The following FAIM2 variants were observed in gnomAD, a reference collection of about 807,000 sequenced individuals.
The protein encoded by FAIM2 is protein lifeguard 2.
Under a neutral mutation model 47.4 loss-of-function variants are expected in FAIM2, and 27 were observed. The observed-to-expected ratio is 0.57, with a 90% CI of 0.42 to 0.78. The LOEUF (loss-of-function observed/expected upper bound fraction) is 0.78, where lower values mean the gene tolerates loss of function less well. Among genes scored for constraint, FAIM2 ranks in the 30% least tolerant of loss-of-function variants. The pLI, the probability that FAIM2 is intolerant of heterozygous loss-of-function variation, is 0.00. For synonymous variants in FAIM2, 156 were observed against 159.3 expected (o/e 0.98, Z 0.16); for missense variants, 311 against 389.4 (o/e 0.80, Z 1.69).
rs969301257 is a variant in FAIM2 at position 49,868,946 on chromosome 12, G to C, written c.*1558C>G. ...GAAAGCTGGGAGTAGGAAGGGTGGG[G>C]AGGGATGGGGCTGGGAAGGAACAGC... On this transcript the variant is annotated 3_prime_UTR_variant, in exon 12 of 12. Transcript: ENST00000320634. 1.2e-4 allele frequency: 19 copies of C among 152,256 alleles called. No individual in the cohort carries two copies. The highest frequency in any genetic ancestry group is 4.6e-4 in the African/African-American group (19 of 41,456). 9.4% of individuals were successfully genotyped at this position (152,256 alleles called of 1,614,324 possible).
chr12:49,892,090 C>T (rs1442073787), intron 5 of FAIM2, among the ~76,000 whole-genome samples: 1 of 152,146 alleles, frequency 6.6e-6, no homozygotes, highest in East Asian at 1.9e-4. Context: ...CCTCCATCCA[C>T]AAACCTCCCA....
At chr12:49,885,987 A>G (rs930669113) in intron 11 of FAIM2, among the ~76,000 whole-genome samples, 14 of 151,956 alleles carry the variant, frequency 9.2e-5, no homozygotes. Flanking sequence ...CTCTGCTCAC[A>G]GCTCTCTCCC....
chr12:49,889,724 C>A (rs988789939), intron 8 of FAIM2, among the ~76,000 whole-genome samples, 156 bp from the exon 9 acceptor site: 10 of 152,256 alleles, frequency 6.6e-5, no homozygotes, highest in African/African-American at 2.4e-4. Context: ...GCCTCCCCAG[C>A]CTTTCTGTTG....
intron 11 of FAIM2, among the ~76,000 whole-genome samples, chr12:49,883,400 G>A (rs185365231): frequency 7.9e-5 from 12 of 152,062 alleles, no homozygotes; most frequent in African/African-American, 2.4e-4. Flanking sequence ...CGTGATGTAG[G>A]GGGTGAGGAG....
chr12:49,882,559 T>C (rs1423180793), intron 11 of FAIM2, among the ~76,000 whole-genome samples: 1 of 152,098 alleles, frequency 6.6e-6, no homozygotes, highest in Non-Finnish European at 1.5e-5. Context: ...CCATTGTTGT[T>C]TCTATAATCT....
At chr12:49,889,459 G>A in intron 9 of FAIM2, 22 bp downstream of exon 9, 5 of 1,609,040 alleles carry the variant, frequency 3.1e-6, no homozygotes, top group Non-Finnish European at 4.3e-6. Context: ...AGGGGTCCCT[G>A]CCTGCAGGCC....
chr12:49,885,232 T>C (rs531659239), intron 11 of FAIM2, among the ~76,000 whole-genome samples: 1 of 152,344 alleles, frequency 6.6e-6, no homozygotes, highest in South Asian at 2.1e-4. Flanking sequence ...CTTGCATGCA[T>C]GGCTTCCTCA....
At chr12:49,889,695 TC>T in intron 8 of FAIM2, 127 bp from the exon 9 acceptor site, 1 of 717,438 alleles carries the variant, frequency 1.4e-6, no homozygotes, top group Non-Finnish European at 2.4e-6. Flanking sequence ...TGGTGCCCTT[TC>T]CCCAGATCCC....
Position 49,882,109 on chromosome 12 carries a change from C to A in FAIM2, c.801+5277G>T, listed in dbSNP as rs185734758. Among the ~76,000 whole-genome samples, 72 of 152,362 alleles carry A rather than the reference C, an allele frequency of 4.7e-4. 1 individual carries two copies. The highest frequency in any genetic ancestry group is 2.4e-4 in the Non-Finnish European group (16 of 68,032). ...CTTCACCCCACTCTTGCACAGTCTC[C>A]TTGAGGCGACACACGTGCCAGGGAC... is the stretch of plus-strand genomic sequence containing the variant. On this transcript the variant is annotated intron_variant, in intron 11 of 11. Transcript: ENST00000320634.
intron 5 of FAIM2, among the ~76,000 whole-genome samples, chr12:49,893,532 G>A (rs796785801): frequency 1.4e-4 from 22 of 152,302 alleles, no homozygotes; most frequent in African/African-American, 5.3e-4. Flanking sequence ...GGAGCTTGGT[G>A]CCTGGTAGGT....
chr12:49,896,835 A>G (rs554598671), intron 5 of FAIM2, among the ~76,000 whole-genome samples, 196 bp downstream of exon 5: 24 of 152,280 alleles, frequency 1.6e-4, no homozygotes, highest in African/African-American at 5.5e-4. Flanking sequence ...CATCAGATGT[A>G]ATGCCCCAGA....
chr12:49,870,778 A>G (rs2137076854), intron 11 of FAIM2, 125 bp from the exon 12 acceptor site: 1 of 844,392 alleles, frequency 1.2e-6, no homozygotes, highest in East Asian at 2.6e-5. Flanking sequence ...CTGCCTGACT[A>G]CCCAGTGGCC....
chr12:49,893,555 T>C (rs1370959744), intron 5 of FAIM2, among the ~76,000 whole-genome samples: 1 of 152,168 alleles, frequency 6.6e-6, no homozygotes, highest in Non-Finnish European at 1.5e-5. Flanking sequence ...TCTTCAAATA[T>C]TTCTGGATGA....
At chr12:49,889,620 C>T in intron 8 of FAIM2, 52 bp from the exon 9 acceptor site, 3 of 1,459,510 alleles carry the variant, frequency 2.1e-6, no homozygotes, top group Non-Finnish European at 2.9e-6. Flanking sequence ...ATCTGGTCTC[C>T]CCCACCCTCC....
intron 5 of FAIM2, 54 bp from the exon 6 acceptor site, chr12:49,891,168 C>G (rs936186153): frequency 1.2e-5 from 18 of 1,540,358 alleles, no homozygotes; most frequent in Middle Eastern, 1.7e-4. Flanking sequence ...GGTCCCTCCC[C>G]CAAGATCCCC....
At chr12:49,893,365 G>A (rs1946913723) in intron 5 of FAIM2, among the ~76,000 whole-genome samples, 1 of 152,070 alleles carries the variant, frequency 6.6e-6, no homozygotes. Context: ...CCTGAGGCCT[G>A]GGTTAGAGGG....
chr12:49,879,142 TTGTG>T (rs1206534759), intron 11 of FAIM2, among the ~76,000 whole-genome samples: 5 of 123,492 alleles, frequency 4.0e-5, no homozygotes, highest in South Asian at 2.9e-4. Context: ...CTCTGCATGT[TTGTG>T]TATGTGCATG....
At chr12:49,887,326 G>C in intron 11 of FAIM2, 60 bp downstream of exon 11, 1 of 1,463,180 alleles carries the variant, frequency 6.8e-7, no homozygotes, top group South Asian at 1.2e-5. Flanking sequence ...AGGAGAAGGG[G>C]ACTGGGGTGA....
Position 49,879,633 on chromosome 12 carries a change from C to T in FAIM2, c.801+7753G>A, listed in dbSNP as rs201213515. Reference sequence around the variant, plus strand: ...ATGTGTGTGCATGTGTGTATATGTGCGTGTATGTGTGGGCATGTGAATGTG... The same window carrying T: ...ATGTGTGTGCATGTGTGTATATGTGTGTGTATGTGTGGGCATGTGAATGTG... On this transcript the variant is annotated intron_variant, in intron 11 of 11. Transcript: ENST00000320634. 8.0e-4 allele frequency among the ~76,000 whole-genome samples: 105 copies of T among 131,150 alleles called. 1 individual carries two copies. The highest frequency in any genetic ancestry group is 7.3e-3 in the East Asian group (31 of 4,220). The allele number at this position is 131,150 out of a possible 152,430, so 86.0% of individuals were successfully genotyped here. A position where few individuals can be genotyped will look rare whatever the true frequency, so the allele number is the denominator to read the frequency against.
Sources: gnomAD v4.1 joint callset for allele counts (sites outside exome capture counted in the v4.1 genomes callset) on GRCh38, gnomAD v4.1.1 for gene constraint, MANE v1.5 for transcripts, NCBI Gene and HGNC (gene_info 2026-07-23, HGNC 2026-07-21) for gene names.